Variants in ADAMTSL1 observed in about 807,000 individuals in gnomAD.
ADAMTSL1 encodes the protein ADAMTS-like protein 1.
Under a neutral mutation model 201.8 loss-of-function variants are expected in ADAMTSL1, and 126 were observed. The ratio of observed to expected loss-of-function variants is 0.62; its 90% confidence interval spans 0.54 to 0.72. The LOEUF is 0.72. ADAMTSL1 is among the 30% of genes least tolerant of loss of function. ADAMTSL1 has a pLI of 0.00. For missense variants in ADAMTSL1, 2,679 were observed against 2,277.8 expected (o/e 1.18, Z -3.59); for synonymous variants, 1,121 against 903.4 (o/e 1.24, Z -4.32).
Position 18,488,023 on chromosome 9 carries a change from G to T in ADAMTSL1, c.63+13728G>T, listed in dbSNP as rs142938115. On this transcript the variant is annotated intron_variant, in intron 1 of 28. Transcript: ENST00000380548. ...CATATAAAATAGGAATGTCACTTCA[G>T]TCTATAGCATCTTAGGTTTGATGCA... Among the ~76,000 whole-genome samples, 226 of 152,318 alleles carry T rather than the reference G, an allele frequency of 1.5e-3. 2 individuals are homozygous for T. Among genetic ancestry groups the T allele is most frequent in the African/African-American group, 5.1e-3 (211 of 41,564 alleles).
intron 1 of ADAMTSL1, among the ~76,000 whole-genome samples, chr9:18,093,673 C>A (rs745332839): frequency 6.6e-6 from 1 of 151,958 alleles, no homozygotes; most frequent in African/African-American, 2.4e-5. Flanking sequence ...CTTTAGGAAC[C>A]AAGAAATAGG....
rs1264392169 is a variant in ADAMTSL1, at chr9:18,839,304, A to G, written c.4249+9327A>G. Among the ~76,000 whole-genome samples the G allele has an allele frequency of 1.6e-4, 24 of 151,120 alleles. 1 individual carries two copies. Among genetic ancestry groups the G allele is most frequent in the South Asian group, 4.2e-4 (2 of 4,768 alleles). ...CGGTGTTTGGTTTTTTGTCTTTACA[A>G]TAGTTTACTGAGAATGATGATTTCC... On this transcript the variant is annotated intron_variant, in intron 23 of 28. Coordinates refer to ENST00000380548, the MANE Select transcript of ADAMTSL1 (RefSeq NM_001040272.6).
chr9:18,549,115 T>C (rs1820642990), intron 3 of ADAMTSL1, among the ~76,000 whole-genome samples: 1 of 151,966 alleles, frequency 6.6e-6, no homozygotes, highest in African/African-American at 2.4e-5. Context: ...AGACTAAAGT[T>C]GCAATGAAAG....
At chr9:18,646,113 T>C (rs1475755910) in intron 7 of ADAMTSL1, among the ~76,000 whole-genome samples, 1 of 151,850 alleles carries the variant, frequency 6.6e-6, no homozygotes, top group Non-Finnish European at 1.5e-5. Flanking sequence ...ACATCCCTTG[T>C]AAGTTGGATT....
At chr9:18,435,466 A>G (rs1357549950) in intron 2 of ADAMTSL1, among the ~76,000 whole-genome samples, 1 of 152,168 alleles carries the variant, frequency 6.6e-6, no homozygotes, top group African/African-American at 2.4e-5. Flanking sequence ...TGCAACACTG[A>G]TCTGTGTTAT....
chr9:18,048,905 C>T (rs1014549859), intron 1 of ADAMTSL1, among the ~76,000 whole-genome samples: 1 of 152,260 alleles, frequency 6.6e-6, no homozygotes, highest in African/African-American at 2.4e-5. Context: ...TTTGACAGTT[C>T]AGGGGGCCAG....
At chr9:18,904,480 A>G (rs1429585228) in intron 26 of ADAMTSL1, among the ~76,000 whole-genome samples, 4 of 151,692 alleles carry the variant, frequency 2.6e-5, no homozygotes, top group African/African-American at 9.7e-5. Context: ...AAAGAAAAAA[A>G]AAGTTATTTT....
intron 1 of ADAMTSL1, among the ~76,000 whole-genome samples, chr9:18,105,214 C>T (rs1005322522): frequency 2.0e-4 from 30 of 152,248 alleles, no homozygotes; most frequent in African/African-American, 7.2e-4. Flanking sequence ...CTCTGAGTTT[C>T]CTTCCAGCCC....
intron 2 of ADAMTSL1, among the ~76,000 whole-genome samples, chr9:18,183,722 TCTAA>T (rs1229732949): frequency 1.3e-5 from 2 of 152,192 alleles, no homozygotes; most frequent in African/African-American, 4.8e-5. Context: ...ATCATGCCAC[TCTAA>T]CTTATGTGCA....
At chr9:18,095,202 T>A (rs1470378114) in intron 1 of ADAMTSL1, among the ~76,000 whole-genome samples, 1 of 152,072 alleles carries the variant, frequency 6.6e-6, no homozygotes, top group African/African-American at 2.4e-5. Flanking sequence ...CTTACACACA[T>A]GCTCTGATGA....
At chr9:18,735,179 T>C (rs1231088801) in intron 15 of ADAMTSL1, among the ~76,000 whole-genome samples, 1 of 152,134 alleles carries the variant, frequency 6.6e-6, no homozygotes, top group East Asian at 1.9e-4. Context: ...GGGAAATGTA[T>C]TTATGTTGCA....
At chr9:18,026,190 T>G (rs940362215) in intron 1 of ADAMTSL1, among the ~76,000 whole-genome samples, 1 of 151,948 alleles carries the variant, frequency 6.6e-6, no homozygotes, top group Non-Finnish European at 1.5e-5. Context: ...TATTCGGATG[T>G]CTTTTATTTC....
intron 3 of ADAMTSL1, among the ~76,000 whole-genome samples, chr9:18,536,386 G>A (rs889179798): frequency 2.7e-5 from 4 of 150,852 alleles, no homozygotes; most frequent in Non-Finnish European, 5.9e-5. Flanking sequence ...ATAACTTGTT[G>A]GGGAGTTCGT....
At chr9:18,347,933 G>A (rs142339413) in intron 2 of ADAMTSL1, among the ~76,000 whole-genome samples, 15 of 152,304 alleles carry the variant, frequency 9.8e-5, no homozygotes, top group African/African-American at 3.6e-4. Flanking sequence ...AGGTGACCTG[G>A]AAAGATTCCA....
intron 2 of ADAMTSL1, among the ~76,000 whole-genome samples, chr9:18,308,367 G>A (rs1215478678): frequency 6.6e-6 from 1 of 152,028 alleles, no homozygotes; most frequent in Non-Finnish European, 1.5e-5. Flanking sequence ...AGGAGATAGA[G>A]ACACGAAAAA....
intron 25 of ADAMTSL1, among the ~76,000 whole-genome samples, chr9:18,890,008 T>C (rs1345373260): frequency 6.6e-6 from 1 of 152,126 alleles, no homozygotes; most frequent in Non-Finnish European, 1.5e-5. Context: ...ACGGGGTCTG[T>C]TCAGGGAGCA....
At chr9:18,755,911 T>C (rs997697823) in intron 16 of ADAMTSL1, among the ~76,000 whole-genome samples, 1 of 151,624 alleles carries the variant, frequency 6.6e-6, no homozygotes, top group Non-Finnish European at 1.5e-5. Context: ...AAAAAGTCTC[T>C]TCTTTCACAC....
chr9:18,045,730 A>T (rs1821630047), intron 1 of ADAMTSL1, among the ~76,000 whole-genome samples: 1 of 152,174 alleles, frequency 6.6e-6, no homozygotes, highest in Non-Finnish European at 1.5e-5. Context: ...TGGCTTGAAA[A>T]AAAAGCCTTG....
chr9:18,282,234 G>T (rs1213589926), intron 2 of ADAMTSL1, among the ~76,000 whole-genome samples: 1 of 152,134 alleles, frequency 6.6e-6, no homozygotes, highest in Non-Finnish European at 1.5e-5. Context: ...TTGCTGCAAA[G>T]GACAAGATTT....
Sources: gnomAD v4.1 joint callset for allele counts (sites outside exome capture counted in the v4.1 genomes callset) on GRCh38, gnomAD v4.1.1 for gene constraint, MANE v1.5 for transcripts, NCBI Gene and HGNC (gene_info 2026-07-23, HGNC 2026-07-21) for gene names.